The following PCDHA1 variants were observed in gnomAD, a reference collection of about 807,000 sequenced individuals.
The protein encoded by PCDHA1 is protocadherin alpha 1.
A neutral mutation model predicts 61.3 loss-of-function variants in PCDHA1; 42 were observed. The observed-to-expected ratio is 0.69, with a 90% confidence interval of 0.54 to 0.89. PCDHA1 has a LOEUF of 0.89. Among genes scored for constraint, PCDHA1 ranks in the 40% least tolerant of loss-of-function variants. PCDHA1 has a pLI of 0.00. For synonymous variants in PCDHA1, 610 were observed against 553.8 expected, an observed-to-expected ratio of 1.10 and a Z score of -1.43; for missense variants, 1,256 against 1,235.3, an observed-to-expected ratio of 1.02 and a Z score of -0.25.
At chr5:140,823,494 C>A (rs2150126388) in intron 1 of PCDHA1, 2 of 1,613,266 alleles carry the variant, frequency 1.2e-6, no homozygotes, top group Admixed American at 1.7e-5. Flanking sequence ...GTGGCACCGG[C>A]GGCGCAGTGA....
At chr5:140,908,668 A>C (rs2074091776) in intron 1 of PCDHA1, among the ~76,000 whole-genome samples, 1 of 152,194 alleles carries the variant, frequency 6.6e-6, no homozygotes, top group Non-Finnish European at 1.5e-5. Flanking sequence ...AAAGGCTCCA[A>C]ATAGCATCCC....
chr5:140,851,230 A>G (rs1327220273), intron 1 of PCDHA1: 1 of 1,136,468 alleles, frequency 8.8e-7, no homozygotes, highest in Non-Finnish European at 1.1e-6. Flanking sequence ...ACTATCATTT[A>G]TTTATTGCTA....
intron 1 of PCDHA1, among the ~76,000 whole-genome samples, chr5:140,798,817 A>G (rs1229812545): frequency 1.3e-5 from 2 of 152,196 alleles, no homozygotes; most frequent in Admixed American, 1.3e-4. Context: ...TTTTCCAACC[A>G]AAGGCAGATG....
At chr5:140,842,126 C>T (rs534570289) in intron 1 of PCDHA1, 2 of 1,613,822 alleles carry the variant, frequency 1.2e-6, no homozygotes, top group Non-Finnish European at 1.7e-6. Flanking sequence ...TGCTTCTGAT[C>T]CGGATGAAGG....
intron 3 of PCDHA1, among the ~76,000 whole-genome samples, chr5:141,003,860 G>T (rs1224171720): frequency 6.6e-6 from 1 of 152,136 alleles, no homozygotes; most frequent in African/African-American, 2.4e-5. Flanking sequence ...ATTTATATGT[G>T]TCTGAAATCC....
At chr5:141,000,413 ATATATATATTT>A (rs1563651437) in intron 3 of PCDHA1, among the ~76,000 whole-genome samples, 3 of 93,258 alleles carry the variant, frequency 3.2e-5, no homozygotes, top group African/African-American at 1.4e-4. Flanking sequence ...ATATATATAT[ATATATATATTT>A]TTTTTTTTTT....
intron 1 of PCDHA1, chr5:140,927,217 A>C: frequency 6.2e-7 from 1 of 1,614,082 alleles, no homozygotes; most frequent in Non-Finnish European, 8.5e-7. Context: ...GGAGCTGCAC[A>C]AGATTCGGAT....
chr5:140,928,959 T>C (rs782250969), intron 1 of PCDHA1: 1 of 1,613,980 alleles, frequency 6.2e-7, no homozygotes, highest in South Asian at 1.1e-5. Context: ...TTGCCTTGGC[T>C]TGTATTTCCT....
intron 1 of PCDHA1, chr5:140,841,949 T>G (rs2150326373): frequency 6.2e-7 from 1 of 1,613,920 alleles, no homozygotes. Context: ...TGCGCACCAC[T>G]TATTCCTGAC....
intron 1 of PCDHA1, chr5:140,809,451 G>A (rs1764468208): frequency 1.2e-6 from 2 of 1,614,248 alleles, no homozygotes; most frequent in Non-Finnish European, 1.7e-6. Context: ...CAGCAGAGGA[G>A]GCCGAGGGTG....
intron 1 of PCDHA1, chr5:140,868,337 C>T (rs1380091281): frequency 1.3e-5 from 2 of 151,836 alleles, no homozygotes; most frequent in African/African-American, 2.4e-5. Context: ...TATAAAGTCA[C>T]TTATAATCAG....
In PCDHA1 at chr5:140,848,080, C is replaced by T. The variant is rs114595741; in HGVS notation, c.2394+59396C>T. 638 of 165,510 alleles carry T rather than the reference C, an allele frequency of 3.9e-3. 35 individuals carry two copies. Among genetic ancestry groups the T allele is most frequent in the African/African-American group, 0.014 (569 of 41,328 alleles). 10.3% of individuals were successfully genotyped at this position (165,510 alleles called of 1,614,324 possible). A position where few individuals can be genotyped will look rare whatever the true frequency, so the allele number is the denominator to read the frequency against. ...ACTTCATTTCTGTCGTTATTTAAAA[C>T]TTAAGTGGAGAGTTTTCTCAGGGAT... On this transcript the variant is annotated intron_variant, in intron 1 of 3. Transcript: ENST00000504120.
intron 1 of PCDHA1, among the ~76,000 whole-genome samples, chr5:140,906,929 C>T (rs1488297059): frequency 3.9e-5 from 6 of 152,122 alleles, no homozygotes; most frequent in African/African-American, 9.7e-5. Flanking sequence ...AAAAGTGTCC[C>T]GGTGTCAATC....
At chr5:140,966,885 C>G in intron 1 of PCDHA1, 1 of 1,590,818 alleles carries the variant, frequency 6.3e-7, no homozygotes, top group Non-Finnish European at 8.5e-7. Flanking sequence ...CCTGGCCCTG[C>G]GGCCTCCCAG....
chr5:140,885,391 T>G, intron 1 of PCDHA1, among the ~76,000 whole-genome samples: 1 of 152,112 alleles, frequency 6.6e-6, no homozygotes, highest in East Asian at 1.9e-4. Context: ...TCCCTGCAAA[T>G]CTAATGGTTT....
intron 1 of PCDHA1, chr5:140,875,971 CTT>C: frequency 6.2e-7 from 1 of 1,614,030 alleles, no homozygotes. Flanking sequence ...CGTAAACTCT[CTT>C]TTGACCTATG....
At chr5:140,857,864 C>T (rs782625866) in intron 1 of PCDHA1, 4 of 1,597,766 alleles carry the variant, frequency 2.5e-6, no homozygotes, top group Middle Eastern at 3.4e-4. Flanking sequence ...CAACGCGTGG[C>T]TGTCGTATGA....
chr5:140,797,254 C>G (rs781823139), intron 1 of PCDHA1: 5 of 1,614,044 alleles, frequency 3.1e-6, no homozygotes, highest in Non-Finnish European at 4.2e-6. Context: ...TGGGGAGGAC[C>G]CCCCCAAGAC....
intron 1 of PCDHA1, among the ~76,000 whole-genome samples, chr5:140,956,473 A>G (rs1269855039): frequency 1.1e-4 from 17 of 152,136 alleles, no homozygotes; most frequent in Admixed American, 1.1e-3. Context: ...CATATGTTGA[A>G]CCAGTCTTGC....
Sources: gnomAD v4.1 joint callset for allele counts (sites outside exome capture counted in the v4.1 genomes callset) on GRCh38, gnomAD v4.1.1 for gene constraint, MANE v1.5 for transcripts, NCBI Gene and HGNC (gene_info 2026-07-23, HGNC 2026-07-21) for gene names.